KCNK2: variants seen among roughly 807,000 people sequenced by gnomAD.
KCNK2 encodes potassium channel subfamily K member 2.
KCNK2 carries 21 observed loss-of-function variants against 40.5 expected under a neutral mutation model. The observed-to-expected ratio is 0.52, with a 90% CI of 0.37 to 0.75. The LOEUF is 0.75. Among genes scored for constraint, KCNK2 ranks in the 30% least tolerant of loss-of-function variants. The pLI, the probability that KCNK2 is intolerant of heterozygous loss-of-function variation, is 0.00. For synonymous variants in KCNK2, 191 were observed against 202.2 expected (o/e 0.94, Z 0.47); for missense variants, 399 against 531.6 (o/e 0.75, Z 2.45).
chr1:215,077,111 A>T (rs1388429195), intron 1 of KCNK2, among the ~76,000 whole-genome samples: 1 of 152,188 alleles, frequency 6.6e-6, no homozygotes, highest in Non-Finnish European at 1.5e-5. Flanking sequence ...AGTGTGTCAT[A>T]GGCCCATGCC....
chr1:215,036,362 T>C (rs1462182536), intron 1 of KCNK2, among the ~76,000 whole-genome samples: 1 of 151,950 alleles, frequency 6.6e-6, no homozygotes, highest in Non-Finnish European at 1.5e-5. Flanking sequence ...TGTGTAAGTC[T>C]CCATTTGAAC....
intron 1 of KCNK2, among the ~76,000 whole-genome samples, chr1:215,011,783 T>C (rs915282230): frequency 2.0e-5 from 3 of 151,868 alleles, no homozygotes; most frequent in East Asian, 1.9e-4. Flanking sequence ...ATTTTTTGTA[T>C]TTTTAGTAGA....
intron 4 of KCNK2, among the ~76,000 whole-genome samples, chr1:215,171,509 G>T (rs1223836132): frequency 6.6e-6 from 1 of 152,028 alleles, no homozygotes; most frequent in Non-Finnish European, 1.5e-5. Flanking sequence ...TGAAATTAAT[G>T]TTTATCAATG....
At chr1:215,007,185 G>GATATATA (rs1656202133) in intron 1 of KCNK2, among the ~76,000 whole-genome samples, 3 of 31,028 alleles carry the variant, frequency 9.7e-5, no homozygotes, top group African/African-American at 1.2e-4. Flanking sequence ...ATGTGTGTGG[G>GATATATA]TATATATATA....
chr1:215,086,699 G>GT, intron 2 of KCNK2, 21 bp downstream of exon 2: 1 of 1,596,574 alleles, frequency 6.3e-7, no homozygotes, highest in Non-Finnish European at 8.6e-7. Flanking sequence ...GGGAGGAGTT[G>GT]TTACTCTGTT....
chr1:215,234,289 C>T (rs776129975), intron 6 of KCNK2, among the ~76,000 whole-genome samples: 8 of 152,156 alleles, frequency 5.3e-5, no homozygotes, highest in Admixed American at 2.0e-4. Context: ...TTGGATACAA[C>T]GCTCTTGCAC....
intron 6 of KCNK2, among the ~76,000 whole-genome samples, chr1:215,232,100 C>A (rs901735862): frequency 1.3e-5 from 2 of 152,080 alleles, no homozygotes; most frequent in Admixed American, 1.3e-4. Flanking sequence ...TTTCCACTTG[C>A]GGTAATACTT....
chr1:215,025,748 T>C (rs941172130), intron 1 of KCNK2, among the ~76,000 whole-genome samples: 2 of 152,078 alleles, frequency 1.3e-5, no homozygotes, highest in Admixed American at 1.3e-4. Context: ...TTCTGTGCTG[T>C]GGATTACCGT....
chr1:215,212,557 A>G lies in KCNK2; in HGVS notation c.963+17465A>G, dbSNP rs1412884713. On this transcript the variant is annotated intron_variant, in intron 6 of 6. Transcript: ENST00000444842. Reference sequence around the variant, plus strand: ...TTGGATAAAGTGAAAGGGTGCTTAGAGAAAGTGTGTTCTTAACATGAAATT... The same window carrying G: ...TTGGATAAAGTGAAAGGGTGCTTAGGGAAAGTGTGTTCTTAACATGAAATT... Among the ~76,000 whole-genome samples the G allele has an allele frequency of 2.0e-5, 3 of 152,310 alleles. No individual in the cohort carries two copies. The East Asian group carries it at 5.8e-4, about 29-fold the overall frequency.
intron 1 of KCNK2, among the ~76,000 whole-genome samples, chr1:215,010,713 T>C (rs1239495005): frequency 6.6e-6 from 1 of 152,144 alleles, no homozygotes; most frequent in African/African-American, 2.4e-5. Context: ...TTTCATACCT[T>C]GGCTTTCAAG....
chr1:215,130,908 C>G (rs1661642365), intron 3 of KCNK2, among the ~76,000 whole-genome samples: 1 of 151,662 alleles, frequency 6.6e-6, no homozygotes, highest in Non-Finnish European at 1.5e-5. Context: ...TAGCCTAGGC[C>G]GGATTGCAGT....
chr1:215,097,575 G>A (rs905393688), intron 2 of KCNK2, among the ~76,000 whole-genome samples: 4 of 151,866 alleles, frequency 2.6e-5, no homozygotes, highest in Non-Finnish European at 5.9e-5. Flanking sequence ...CATTCCTTAT[G>A]GTTTCATGCA....
At chr1:215,009,880 C>A (rs943944534) in intron 1 of KCNK2, among the ~76,000 whole-genome samples, 1 of 152,088 alleles carries the variant, frequency 6.6e-6, no homozygotes, top group African/African-American at 2.4e-5. Flanking sequence ...TGAAGTTATT[C>A]ATATTTATTC....
chr1:215,222,302 TAAAG>T (rs1666213912), intron 6 of KCNK2, among the ~76,000 whole-genome samples: 1 of 152,106 alleles, frequency 6.6e-6, no homozygotes, highest in Non-Finnish European at 1.5e-5. Context: ...AATGGATTGT[TAAAG>T]AAACCCCAAT....
chr1:215,012,394 T>C (rs1455889665), intron 1 of KCNK2, among the ~76,000 whole-genome samples: 3 of 152,206 alleles, frequency 2.0e-5, no homozygotes, highest in African/African-American at 4.8e-5. Flanking sequence ...GGTTTTAACA[T>C]GTTGAATATC....
At chr1:215,036,287 G>T (rs1236649683) in intron 1 of KCNK2, among the ~76,000 whole-genome samples, 1 of 151,766 alleles carries the variant, frequency 6.6e-6, no homozygotes, top group South Asian at 2.1e-4. Flanking sequence ...ACTATTTGTT[G>T]AAAGGACATT....
intron 1 of KCNK2, among the ~76,000 whole-genome samples, chr1:215,073,693 G>T (rs1658837200): frequency 6.6e-6 from 1 of 152,016 alleles, no homozygotes; most frequent in South Asian, 2.1e-4. Context: ...AAGGTGTATT[G>T]ACTTACTTGC....
At chr1:215,222,350 A>G (rs1666215535) in intron 6 of KCNK2, among the ~76,000 whole-genome samples, 1 of 152,246 alleles carries the variant, frequency 6.6e-6, no homozygotes, top group Non-Finnish European at 1.5e-5. Context: ...AAGGATGCTC[A>G]GTGATATGAT....
chr1:215,189,949 T>G (rs1233239726), intron 5 of KCNK2, among the ~76,000 whole-genome samples: 1 of 152,202 alleles, frequency 6.6e-6, no homozygotes, highest in East Asian at 1.9e-4. Flanking sequence ...TAGGCTGATT[T>G]AAAGGAATGA....
Sources: gnomAD v4.1 joint callset for allele counts (sites outside exome capture counted in the v4.1 genomes callset) on GRCh38, gnomAD v4.1.1 for gene constraint, MANE v1.5 for transcripts, NCBI Gene and HGNC (gene_info 2026-07-23, HGNC 2026-07-21) for gene names.